The following PIEZO2 variants were observed in gnomAD, a reference collection of about 807,000 sequenced individuals.
PIEZO2 encodes the protein piezo type mechanosensitive ion channel component 2, also known as piezo-type mechanosensitive ion channel component 2.
Under a neutral mutation model 337.3 loss-of-function variants are expected in PIEZO2, and 172 were observed. The ratio of observed to expected loss-of-function variants is 0.51; its 90% CI spans 0.45 to 0.58. The LOEUF (loss-of-function observed/expected upper bound fraction) is 0.58, where lower values mean the gene tolerates loss of function less well. PIEZO2 is among the 20% of genes least tolerant of loss of function. The probability of loss-of-function intolerance (pLI) is 0.00; values close to 1 mark genes in which losing one functional copy is unlikely to be tolerated. For missense variants in PIEZO2, 3,028 were observed against 3,391.3 expected (o/e 0.89, Z 2.66); for synonymous variants, 1,251 against 1,228.5 (o/e 1.02, Z -0.38).
At chr18:10,714,736 G>A (rs1567976898) in intron 39 of PIEZO2, 28 bp downstream of exon 39, 1 of 1,534,356 alleles carries the variant, frequency 6.5e-7, no homozygotes, top group East Asian at 2.4e-5. Flanking sequence ...TTTGTCAAAA[G>A]TAAACCCATT....
rs545607693 is a variant in PIEZO2 at position 10,784,373 on chromosome 18, C to T, written c.2492+411G>A. 6.6e-6 allele frequency among the ~76,000 whole-genome samples: 1 copy of T among 152,266 alleles called. No individual in the cohort carries two copies. The highest frequency in any genetic ancestry group is 2.1e-4 in the South Asian group (1 of 4,822). On this transcript the variant is annotated intron_variant, in intron 17 of 55. Transcript: ENST00000674853. This position sits in a 1 kb window ranked among gnomAD's most constrained non-coding sequence, Gnocchi z 4.5. ...ATTTCCAAAGTGGAAGGGAAAACTG[C>T]CCATCATCTTTTGCTATGCTCTCAC...
chr18:10,865,610 G>A (rs537653499), intron 5 of PIEZO2, among the ~76,000 whole-genome samples: 3 of 152,320 alleles, frequency 2.0e-5, no homozygotes, highest in Admixed American at 2.0e-4. Flanking sequence ...TGGGAAGAAG[G>A]AGTGGAGGTA....
intron 3 of PIEZO2, among the ~76,000 whole-genome samples, chr18:10,946,726 T>A (rs977288111): frequency 6.6e-6 from 1 of 152,146 alleles, no homozygotes; most frequent in African/African-American, 2.4e-5. Context: ...TGAACCTCAA[T>A]AGGGGAACTA....
chr18:10,733,682 T>C (rs1401372531), intron 35 of PIEZO2, among the ~76,000 whole-genome samples: 2 of 152,248 alleles, frequency 1.3e-5, no homozygotes, highest in East Asian at 1.9e-4. Flanking sequence ...TCTCCTGACC[T>C]CGTGATCTGC....
intron 4 of PIEZO2, among the ~76,000 whole-genome samples, chr18:10,901,161 C>T (rs149982803): frequency 6.6e-6 from 1 of 152,128 alleles, no homozygotes; most frequent in East Asian, 1.9e-4. Context: ...AAGAATCCAT[C>T]CCATCTGATT....
intron 2 of PIEZO2, among the ~76,000 whole-genome samples, chr18:11,049,640 T>A (rs901411798): frequency 7.2e-5 from 11 of 152,180 alleles, no homozygotes; most frequent in Non-Finnish European, 1.5e-4. Context: ...GGTAACTGAA[T>A]CATGGGGATG....
At position 10,702,093 on chromosome 18, in the gene PIEZO2, G is replaced by A; in HGVS notation, c.6337C>T (p.Pro2113Ser). 1 of 1,536,932 alleles carries A rather than the reference G, an allele frequency of 6.5e-7. No homozygotes were observed. Among genetic ancestry groups the A allele is most frequent in the Middle Eastern group, 1.7e-4 (1 of 5,990 alleles). The change falls in exon 43 of 56, where the codon CCG (proline) becomes TCG (serine). Residue 2113 changes from proline to serine, a missense_variant. Physicochemically the swap from Pro to Ser is moderately conservative, Grantham distance 74. Around this residue, in one of 5 missense-constraint regions of PIEZO2, gnomAD observed 1,925 missense variants for 2,051.9 expected, o/e 0.94. Transcript: ENST00000674853. ...CCTATGATGTTTGGGGGGTGATACG[G>A]TTTATCTTTGTTCACCTCCACATTC... ...NKNVEVNKDK[P>S]YHPPNIIGVE...
Position 10,718,233 on chromosome 18 carries a change from C to T in PIEZO2, c.5056G>A (p.Asp1686Asn), listed in dbSNP as rs1487673059. The change falls in exon 37 of 56, where the codon GAT becomes AAT. Residue 1686 changes from aspartate (D) to asparagine (N), a missense_variant. Asp to Asn is a conservative substitution (Grantham distance 23). Around this residue, in one of 5 missense-constraint regions of PIEZO2, gnomAD observed 1,925 missense variants for 2,051.9 expected, o/e 0.94. Transcript: ENST00000674853. ...TCGGATTTCTTTTTGATTGGTTCATCCTCCCGGTCTTCCCATTCCACAGGA... is the reference window on the plus strand; with the variant it reads ...TCGGATTTCTTTTTGATTGGTTCATTCTCCCGGTCTTCCCATTCCACAGGA... ...EGPVEWEDRE[D>N]EPIKKKSDGP... 1.3e-6 allele frequency: 2 copies of T among 1,537,040 alleles called. No individual in the cohort carries two copies. The highest frequency in any genetic ancestry group is 8.7e-7 in the Non-Finnish European group (1 of 1,146,758).
intron 35 of PIEZO2, 75 bp from the exon 36 acceptor site, chr18:10,731,596 G>T: frequency 2.2e-6 from 2 of 911,370 alleles, no homozygotes; most frequent in Non-Finnish European, 3.1e-6. Context: ...CAAGCTTCCT[G>T]ACTTTTGAAA....
At chr18:11,140,590 C>G (rs1473881630) in intron 1 of PIEZO2, among the ~76,000 whole-genome samples, 1 of 152,110 alleles carries the variant, frequency 6.6e-6, no homozygotes, top group Non-Finnish European at 1.5e-5. Flanking sequence ...TTGAGTCTAG[C>G]TAAGGTCTAG....
rs2036912495 is a variant in PIEZO2 at position 11,035,932 on chromosome 18, G to A, written c.160+30195C>T. Among the ~76,000 whole-genome samples, 1 of 152,200 alleles carries A rather than the reference G, an allele frequency of 6.6e-6. No homozygotes were observed. Among genetic ancestry groups the A allele is most frequent in the African/African-American group, 2.4e-5 (1 of 41,436 alleles). ...TCTCTGCCACTTCCTATGTTTGCTTGTTAGCAAGAAGTCCACACCTGGAAC... is the reference window on the plus strand; with the variant it reads ...TCTCTGCCACTTCCTATGTTTGCTTATTAGCAAGAAGTCCACACCTGGAAC... On this transcript the variant is annotated intron_variant, in intron 2 of 55. Coordinates refer to ENST00000674853, the MANE Select transcript of PIEZO2 (RefSeq NM_001378183.1). The surrounding 1 kb of genome is among the most constrained non-coding windows in gnomAD (Gnocchi z 4.3).
At chr18:10,778,376 A>G (rs954649081) in intron 18 of PIEZO2, among the ~76,000 whole-genome samples, 9 of 131,586 alleles carry the variant, frequency 6.8e-5, no homozygotes, top group African/African-American at 2.6e-4. Flanking sequence ...TCTGTCGCCC[A>G]GGCTGGAGTG....
chr18:10,750,170 G>A lies in PIEZO2; in HGVS notation c.4185C>T (p.Tyr1395=), dbSNP rs1236810499. 6.5e-7 allele frequency: 1 copy of A among 1,536,794 alleles called. No individual in the cohort carries two copies. Among genetic ancestry groups the A allele is most frequent in the South Asian group, 1.2e-5 (1 of 84,044 alleles). Residue 1395 remains tyrosine, a synonymous_variant, in exon 29 of 56, where the codon TAC becomes TAT. Coordinates refer to ENST00000674853, the MANE Select transcript of PIEZO2 (RefSeq NM_001378183.1). This position sits in a 1 kb window ranked among gnomAD's most constrained non-coding sequence, Gnocchi z 4.1. ...KNILSIGACG[Y]IGTLVHNSCW... ...AACTATTGTGCACCAATGTTCCAAT[G>A]TATCCACATGCTCCTATCTGAAAAA...
chr18:10,881,471 C>T (rs73394764), intron 4 of PIEZO2, among the ~76,000 whole-genome samples: 3,299 of 152,226 alleles, frequency 0.022, 112 homozygotes, highest in African/African-American at 0.07. Flanking sequence ...AGTAGGATGC[C>T]GGGCCAAGGG....
chr18:11,030,676 C>A (rs1389271977), intron 2 of PIEZO2, among the ~76,000 whole-genome samples: 2 of 152,158 alleles, frequency 1.3e-5, no homozygotes, highest in African/African-American at 4.8e-5. Flanking sequence ...ACAAGGACCC[C>A]AGGCCTCCAT....
chr18:10,754,797 A>T (rs1266176691), intron 27 of PIEZO2, among the ~76,000 whole-genome samples: 1 of 152,214 alleles, frequency 6.6e-6, no homozygotes, highest in East Asian at 1.9e-4. Context: ...TGAGCCTCTT[A>T]TGCTACCAAG....
intron 47 of PIEZO2, among the ~76,000 whole-genome samples, chr18:10,694,944 C>T (rs28498319): frequency 0.019 from 2,899 of 152,284 alleles, 82 homozygotes; most frequent in African/African-American, 0.064. Flanking sequence ...GGCAGCTTCA[C>T]TGGATTAGGT....
intron 3 of PIEZO2, among the ~76,000 whole-genome samples, chr18:10,926,250 T>G (rs1258872529): frequency 1.3e-5 from 2 of 152,164 alleles, no homozygotes; most frequent in East Asian, 3.9e-4. Context: ...TGGCAGCTGC[T>G]CGGGATCTCT....
rs955899653 is a variant in PIEZO2, at chr18:10,843,244, T to C, written c.917+12109A>G. On this transcript the variant is annotated intron_variant, in intron 7 of 55. Transcript: ENST00000674853. ...ATGATCACACTTTCCAATAAAAAGTTTGATAGCTAAATAATTGTTTTATTT... is the reference window on the plus strand; with the variant it reads ...ATGATCACACTTTCCAATAAAAAGTCTGATAGCTAAATAATTGTTTTATTT... 9.2e-5 allele frequency among the ~76,000 whole-genome samples: 14 copies of C among 152,190 alleles called. No individual in the cohort carries two copies. In the East Asian group the frequency reaches 2.7e-3, roughly 29 times the overall value.
Sources: allele counts gnomAD v4.1 joint callset (sites outside exome capture counted in the v4.1 genomes callset), GRCh38; gene constraint gnomAD v4.1.1; regional missense constraint gnomAD v4.1.1; non-coding constraint Gnocchi (gnomAD v3.1); transcripts MANE v1.5; gene names NCBI Gene and HGNC (gene_info 2026-07-23, HGNC 2026-07-21).